Variants in OSBPL10 observed in about 807,000 individuals in gnomAD.
OSBPL10 encodes oxysterol binding protein like 10.
OSBPL10 carries 49 observed loss-of-function variants against 81.7 expected under a neutral mutation model. The observed-to-expected ratio is 0.60, with a 90% CI of 0.48 to 0.76. OSBPL10 has a LOEUF of 0.76. Ranked by LOEUF, OSBPL10 falls within the 30% of genes least tolerant of loss-of-function variation. The probability of loss-of-function intolerance (pLI) is 0.00; values close to 1 mark genes in which losing one functional copy is unlikely to be tolerated. For missense variants in OSBPL10, 923 were observed against 987.8 expected, an observed-to-expected ratio of 0.93 and a Z score of 0.88; for synonymous variants, 419 against 383.6, an observed-to-expected ratio of 1.09 and a Z score of -1.08.
Position 31,821,506 on chromosome 3 carries a change from C to A in OSBPL10, c.729+8534G>T, listed in dbSNP as rs116376290. 6.4e-3 allele frequency among the ~76,000 whole-genome samples: 976 copies of A among 152,276 alleles called. 6 individuals carry two copies. Among genetic ancestry groups the A allele is most frequent in the African/African-American group, 0.022 (913 of 41,552 alleles). On this transcript the variant is annotated intron_variant, in intron 4 of 11. Transcript: ENST00000396556. ...TCACCTGTTCTTACACAGTAAGTAT[C>A]TAATATTTTTACTCACAAACAACCC...
chr3:32,052,700 G>A (rs1353550831), intron 1 of OSBPL10, among the ~76,000 whole-genome samples: 4 of 152,106 alleles, frequency 2.6e-5, no homozygotes, highest in African/African-American at 4.8e-5. Context: ...AACTAACACA[G>A]GAACAGAAAA....
At position 31,796,376 on chromosome 3, in the gene OSBPL10, C is replaced by G. The variant is rs183501884; in HGVS notation, c.729+33664G>C. Among the ~76,000 whole-genome samples, 132 of 152,028 alleles carry G rather than the reference C, an allele frequency of 8.7e-4. 1 individual carries two copies. In the East Asian group the frequency reaches 0.011, roughly 13 times the overall value. On this transcript the variant is annotated intron_variant, in intron 4 of 11. Coordinates refer to ENST00000396556, the MANE Select transcript of OSBPL10 (RefSeq NM_017784.5). ...TTTAGAAATTCCTTGCCCCGCCCCC[C>G]CAAAAAAGGTAATCTAGAGATGATT...
At chr3:31,779,895 G>T (rs1234597390) in intron 4 of OSBPL10, among the ~76,000 whole-genome samples, 1 of 152,082 alleles carries the variant, frequency 6.6e-6, no homozygotes. Context: ...ATTCTAAAAG[G>T]AACCCTCAAG....
intron 6 of OSBPL10, among the ~76,000 whole-genome samples, chr3:31,706,651 A>G (rs1416153668): frequency 6.6e-6 from 1 of 152,152 alleles, no homozygotes; most frequent in Non-Finnish European, 1.5e-5. Context: ...CTCAATGGGA[A>G]CATCAATGTG....
At chr3:31,733,139 A>AT in intron 6 of OSBPL10, 118 bp downstream of exon 6, 5 of 1,417,032 alleles carry the variant, frequency 3.5e-6, no homozygotes, top group South Asian at 2.6e-5. Flanking sequence ...CAATTCTTCC[A>AT]TTTTTTAATT....
intron 4 of OSBPL10, among the ~76,000 whole-genome samples, chr3:31,810,360 T>C (rs1313793182): frequency 6.6e-6 from 1 of 152,198 alleles, no homozygotes. Context: ...TAAAGCTGCT[T>C]TTAAAAGGAG....
intron 3 of OSBPL10, among the ~76,000 whole-genome samples, chr3:31,834,958 G>A (rs777496935): frequency 1.3e-5 from 2 of 152,126 alleles, no homozygotes; most frequent in African/African-American, 2.4e-5. Context: ...GGTTGTTGGA[G>A]AATGATATGA....
At chr3:32,036,654 A>C (rs1195737703) in intron 2 of OSBPL10, among the ~76,000 whole-genome samples, 1 of 152,044 alleles carries the variant, frequency 6.6e-6, no homozygotes, top group Non-Finnish European at 1.5e-5. Flanking sequence ...GTGTTGGGAC[A>C]CTAACAGTAG....
chr3:31,750,628 G>A (rs1008656000), intron 4 of OSBPL10, among the ~76,000 whole-genome samples: 26 of 152,130 alleles, frequency 1.7e-4, no homozygotes, highest in Admixed American at 1.5e-3. Context: ...AATGGATTTC[G>A]AGCTATTTGT....
intron 1 of OSBPL10, among the ~76,000 whole-genome samples, chr3:31,939,034 G>C (rs1697461091): frequency 6.6e-6 from 1 of 151,740 alleles, no homozygotes; most frequent in African/African-American, 2.4e-5. Context: ...TCCCAGCTCA[G>C]AACTCTATCC....
intron 1 of OSBPL10, among the ~76,000 whole-genome samples, chr3:32,074,882 C>T (rs980290852): frequency 1.3e-5 from 2 of 152,124 alleles, no homozygotes; most frequent in African/African-American, 4.8e-5. Context: ...TCTTTTTATG[C>T]GGCTCTTCCA....
intron 5 of OSBPL10, among the ~76,000 whole-genome samples, chr3:31,737,184 C>T (rs946221672): frequency 2.0e-5 from 3 of 152,048 alleles, no homozygotes; most frequent in Admixed American, 2.0e-4. Context: ...ATCAAAGAGC[C>T]GGTGCATGAG....
intron 3 of OSBPL10, among the ~76,000 whole-genome samples, chr3:31,845,102 GTATTT>G: frequency 6.6e-6 from 1 of 151,514 alleles, no homozygotes; most frequent in South Asian, 2.1e-4. Flanking sequence ...ACCATTGTAT[GTATTT>G]TATGTCAATG....
chr3:32,041,776 A>G lies in OSBPL10; in HGVS notation n.298+4715T>C, dbSNP rs534949727. Among the ~76,000 whole-genome samples, 198 of 151,726 alleles carry G rather than the reference A, an allele frequency of 1.3e-3. 2 individuals carry two copies. The highest frequency in any genetic ancestry group is 4.6e-3 in the African/African-American group (192 of 41,342). On this transcript the variant is annotated intron_variant and non_coding_transcript_variant, in intron 2 of 3. Coordinates refer to the OSBPL10 transcript ENST00000479173. ...AGGTTCCAGCAATTCTCCTGCCTCA[A>G]TCTCCCAGGTAGCTGGGATTTCAGG...
chr3:31,944,630 C>T (rs1262302465), intron 1 of OSBPL10, among the ~76,000 whole-genome samples: 1 of 151,260 alleles, frequency 6.6e-6, no homozygotes, highest in African/African-American at 2.5e-5. Context: ...CTAAGGACAA[C>T]TCTAATGCCT....
At chr3:31,735,058 G>A (rs943573627) in intron 5 of OSBPL10, among the ~76,000 whole-genome samples, 1 of 152,222 alleles carries the variant, frequency 6.6e-6, no homozygotes, top group African/African-American at 2.4e-5. Context: ...GCTGCTGTAT[G>A]CAGTATTAGC....
At position 31,748,009 on chromosome 3, in the gene OSBPL10, T is replaced by TA; in HGVS notation, c.840dup (p.Thr281TyrfsTer75). ...AGGCAGCTGAGGGTGGCAGCAGAGGTAGCTTTCAGGAGCAGCAGGTCCTGG... is the reference window on the plus strand; with the variant it reads ...AGGCAGCTGAGGGTGGCAGCAGAGGTAAGCTTTCAGGAGCAGCAGGTCCTGG... On this transcript the variant is annotated frameshift_variant, in exon 5 of 12. Transcript: ENST00000396556. LOFTEE classifies it high-confidence loss of function. 1 of 1,614,098 alleles carries TA rather than the reference T, an allele frequency of 6.2e-7. No homozygotes were observed. The highest frequency in any genetic ancestry group is 8.5e-7 in the Non-Finnish European group (1 of 1,180,016).
In OSBPL10 at chr3:31,870,438, G is replaced by A. The variant is rs148766333; in HGVS notation, c.537+5995C>T. The stretch of plus-strand genomic sequence containing the variant: ...CCTGTGCGGCCCGAGCCTCCCCGAC[G>A]AGCGCCGCCCCCTACTCCATAGCAC... On this transcript the variant is annotated intron_variant, in intron 3 of 11. Coordinates refer to ENST00000396556, the MANE Select transcript of OSBPL10 (RefSeq NM_017784.5). Among the ~76,000 whole-genome samples the A allele has an allele frequency of 4.0e-3, 612 of 152,290 alleles. 20 individuals are homozygous for A. In the East Asian group the frequency reaches 0.074, roughly 18 times the overall value.
intron 2 of OSBPL10, among the ~76,000 whole-genome samples, chr3:32,012,783 G>T (rs998810891): frequency 6.6e-5 from 10 of 152,000 alleles, no homozygotes; most frequent in Non-Finnish European, 1.2e-4. Context: ...AAAAGGCAGG[G>T]GTTGCAATCC....
Sources: gnomAD v4.1 joint callset for allele counts (sites outside exome capture counted in the v4.1 genomes callset) on GRCh38, gnomAD v4.1.1 for gene constraint, MANE v1.5 for transcripts, NCBI Gene and HGNC (gene_info 2026-07-23, HGNC 2026-07-21) for gene names.